Variants in OTUD4 observed in about 807,000 individuals in gnomAD.
The protein encoded by OTUD4 is OTU deubiquitinase 4.
A neutral mutation model predicts 130.4 loss-of-function variants in OTUD4; 24 were observed. The ratio of observed to expected loss-of-function variants is 0.18; its 90% CI spans 0.13 to 0.26. OTUD4 has a LOEUF of 0.26. OTUD4 is among the 10% of genes least tolerant of loss of function. OTUD4 has a pLI of 1.00. For missense variants in OTUD4, 1,031 were observed against 1,329.4 expected (o/e 0.78, Z 3.49); for synonymous variants, 420 against 472.5 (o/e 0.89, Z 1.44).
chr4:145,139,109 C>G (rs1750435804), intron 20 of OTUD4, among the ~76,000 whole-genome samples: 2 of 152,188 alleles, frequency 1.3e-5, no homozygotes, highest in Non-Finnish European at 2.9e-5. Context: ...AGTTAGACCT[C>G]TAATCAGGGA....
intron 5 of OTUD4, among the ~76,000 whole-genome samples, chr4:145,163,019 A>C (rs3775802): frequency 6.6e-6 from 1 of 152,190 alleles, no homozygotes; most frequent in African/African-American, 2.4e-5. Flanking sequence ...AGACACTGTA[A>C]GAAAATATTT....
rs1057428094 is a variant in OTUD4, at chr4:145,133,804, C to T, written c.*3626G>A. The T allele has an allele frequency of 3.3e-5, 5 of 152,496 alleles. No individual in the cohort carries two copies. The highest frequency in any genetic ancestry group is 6.6e-5 in the Admixed American group (1 of 15,258). 9.4% of individuals were successfully genotyped at this position (152,496 alleles called of 1,614,324 possible). On this transcript the variant is annotated 3_prime_UTR_variant, in exon 21 of 21. Transcript: ENST00000447906. ...ATAGAAAAATAAACAGGAATATATT[C>T]AACACTTACAAAAAGTGATATGATA...
rs1170001963 is a variant in OTUD4, at chr4:145,133,872, A to G, written c.*3558T>C. The G allele has an allele frequency of 1.3e-5, 2 of 152,818 alleles. No homozygotes were observed. The highest frequency in any genetic ancestry group is 3.9e-4 in the East Asian group (2 of 5,192). 9.5% of individuals were successfully genotyped at this position (152,818 alleles called of 1,614,324 possible). On this transcript the variant is annotated 3_prime_UTR_variant, in exon 21 of 21. Transcript: ENST00000447906. Reference sequence around the variant, plus strand: ...GTTTCCTTTTAACACTTCAAAAGATATGTATATATACTTTTTTTTACAAGT... The same window carrying G: ...GTTTCCTTTTAACACTTCAAAAGATGTGTATATATACTTTTTTTTACAAGT...
At position 145,134,989 on chromosome 4, in the gene OTUD4, T is replaced by C; in HGVS notation, c.*2441A>G. 1 of 396,608 alleles carries C rather than the reference T, an allele frequency of 2.5e-6. No homozygotes were observed. Among genetic ancestry groups the C allele is most frequent in the Non-Finnish European group, 4.4e-6 (1 of 225,132 alleles). The allele number at this position is 396,608 out of a possible 1,614,324, so 24.6% of individuals were successfully genotyped here. ...AATATGTCAACATAACAGTATGACA[T>C]AACAGTTAAAATGAAGGACAAAAGC... On this transcript the variant is annotated 3_prime_UTR_variant, in exon 21 of 21. Transcript: ENST00000447906.
At chr4:145,160,766 T>C (rs1288776428) in intron 6 of OTUD4, among the ~76,000 whole-genome samples, 1 of 152,060 alleles carries the variant, frequency 6.6e-6, no homozygotes, top group Admixed American at 6.5e-5. Context: ...TGAACTGAGA[T>C]CATGCCACTG....
At chr4:145,173,829 A>G (rs1752292801) in intron 2 of OTUD4, among the ~76,000 whole-genome samples, 1 of 152,226 alleles carries the variant, frequency 6.6e-6, no homozygotes, top group African/African-American at 2.4e-5. Context: ...TGAGAAAATT[A>G]TATTAAGCTG....
intron 13 of OTUD4, 118 bp from the exon 14 acceptor site, chr4:145,146,547 A>G: frequency 1.7e-6 from 1 of 596,846 alleles, no homozygotes. Flanking sequence ...AAATAAAATG[A>G]TCTATTTTGC....
intron 7 of OTUD4, 45 bp downstream of exon 7, chr4:145,159,458 T>G (rs766326469): frequency 6.2e-7 from 1 of 1,610,378 alleles, no homozygotes. Flanking sequence ...TACTTAACTT[T>G]CCTTGTATGG....
In OTUD4 at chr4:145,138,204, G is replaced by A. The variant is rs1206071297; in HGVS notation, c.2571C>T (p.Phe857=). 6.2e-7 allele frequency: 1 copy of A among 1,613,996 alleles called. No homozygotes were observed. The highest frequency in any genetic ancestry group is 1.1e-5 in the South Asian group (1 of 91,072). ...FLGPVPIAPP[F]FPHVWYGYPF... is the part of the protein sequence containing the mutation. ...GGTACCCATACCAAACATGAGGAAA[G>A]AAAGGAGGTGCAATAGGAACTGGGC... is the stretch of plus-strand genomic sequence containing the variant. Residue 857 remains phenylalanine (F), a synonymous_variant, in exon 21 of 21, where the codon TTC becomes TTT. Coordinates refer to ENST00000447906, the MANE Select transcript of OTUD4 (RefSeq NM_001366057.1).
intron 14 of OTUD4, among the ~76,000 whole-genome samples, chr4:145,145,435 C>T (rs1040882296): frequency 1.3e-5 from 2 of 152,168 alleles, no homozygotes; most frequent in African/African-American, 4.8e-5. Flanking sequence ...CCTCCTCAAG[C>T]CTCTAAGGAA....
chr4:145,151,572 T>C (rs960359893), intron 11 of OTUD4, among the ~76,000 whole-genome samples: 1 of 152,032 alleles, frequency 6.6e-6, no homozygotes, highest in African/African-American at 2.4e-5. Context: ...GAAGCGGAGG[T>C]TGCAGTGAGC....
chr4:145,160,776 G>A (rs756148929), intron 6 of OTUD4, among the ~76,000 whole-genome samples: 17 of 152,242 alleles, frequency 1.1e-4, no homozygotes, highest in Middle Eastern at 3.4e-3. Context: ...TCATGCCACT[G>A]CACTCCAGCC....
intron 2 of OTUD4, among the ~76,000 whole-genome samples, chr4:145,172,287 G>A (rs1418038992): frequency 1.3e-5 from 2 of 152,234 alleles, no homozygotes; most frequent in East Asian, 1.9e-4. Context: ...TGTGTAGAAG[G>A]GAATAAAACA....
intron 2 of OTUD4, among the ~76,000 whole-genome samples, chr4:145,172,603 A>C (rs1001750227): frequency 2.0e-5 from 3 of 152,224 alleles, no homozygotes; most frequent in African/African-American, 7.2e-5. Flanking sequence ...TTTAAATTAC[A>C]GTCCCAGTTG....
At chr4:145,139,662 C>A (rs1361054314) in intron 20 of OTUD4, among the ~76,000 whole-genome samples, 1 of 152,208 alleles carries the variant, frequency 6.6e-6, no homozygotes, top group Non-Finnish European at 1.5e-5. Context: ...AGATTTACAT[C>A]TAATTATTCC....
At chr4:145,164,261 C>CTATA (rs1751736291) in intron 4 of OTUD4, 35 bp from the exon 5 acceptor site, 1 of 948,606 alleles carries the variant, frequency 1.1e-6, no homozygotes, top group African/African-American at 1.7e-5. Context: ...TTATAATGGA[C>CTATA]TATACTTCAT....
intron 11 of OTUD4, among the ~76,000 whole-genome samples, chr4:145,151,211 G>T (rs569376044): frequency 1.3e-5 from 2 of 152,158 alleles, no homozygotes; most frequent in African/African-American, 4.8e-5. Flanking sequence ...TTAAGGTGGG[G>T]AAGGAAGTCT....
chr4:145,138,320 G>A lies in OTUD4; in HGVS notation c.2455C>T (p.Pro819Ser), dbSNP rs141465457. 25 of 1,614,010 alleles carry A rather than the reference G, an allele frequency of 1.5e-5. No individual in the cohort carries two copies. In the African/African-American group the frequency reaches 3.2e-4, roughly 21 times the overall value. The change falls in exon 21 of 21, where the codon CCT (proline) becomes TCT (serine). Residue 819 changes from proline to serine, a missense_variant. Pro to Ser is a moderately conservative substitution (Grantham distance 74, BLOSUM62 -1). This residue lies in a region of OTUD4 where 900 missense variants were observed against 1,095.9 expected (regional missense o/e 0.82). Coordinates refer to ENST00000447906, the MANE Select transcript of OTUD4 (RefSeq NM_001366057.1). ...TAATCAGCATGCAGAAGCTGCCCAG[G>A]GGTCTCAGATTCAAGATCAGCCTGG... ...SYQADLESET[P>S]GQLLHADYEE...
intron 13 of OTUD4, among the ~76,000 whole-genome samples, chr4:145,148,658 G>A (rs1053573370): frequency 7.9e-5 from 12 of 152,132 alleles, no homozygotes; most frequent in African/African-American, 2.9e-4. Context: ...CCATTTAGTA[G>A]TCTATGTGTA....
Sources: allele counts gnomAD v4.1 joint callset (sites outside exome capture counted in the v4.1 genomes callset), GRCh38; gene constraint gnomAD v4.1.1; regional missense constraint gnomAD v4.1.1; transcripts MANE v1.5; gene names NCBI Gene and HGNC (gene_info 2026-07-23, HGNC 2026-07-21).